MYH8: variants seen among roughly 807,000 people sequenced by gnomAD.
MYH8 encodes the protein myosin-8.
MYH8 carries 168 observed loss-of-function variants against 233.2 expected under a neutral mutation model. That is an observed-to-expected ratio of 0.72 (90% confidence interval 0.64 to 0.82). MYH8 has a LOEUF of 0.82. Ranked by LOEUF, MYH8 falls within the 40% of genes least tolerant of loss-of-function variation. MYH8 has a pLI of 0.00. For missense variants in MYH8, 1,995 were observed against 2,327.8 expected, an observed-to-expected ratio of 0.86 and a Z score of 2.94; for synonymous variants, 785 against 850.6, an observed-to-expected ratio of 0.92 and a Z score of 1.34.
chr17:10,411,887 G>C (rs2072247060), intron 14 of MYH8, among the ~76,000 whole-genome samples: 1 of 152,150 alleles, frequency 6.6e-6, no homozygotes, highest in Non-Finnish European at 1.5e-5. Context: ...TGCCCTGGAG[G>C]TAAAATAGTT....
At chr17:10,421,022 T>C (rs1403584534) in intron 2 of MYH8, among the ~76,000 whole-genome samples, 1 of 152,120 alleles carries the variant, frequency 6.6e-6, no homozygotes, top group Non-Finnish European at 1.5e-5. Context: ...GAGAAAAAAG[T>C]TTTAAGAGTA....
intron 22 of MYH8, among the ~76,000 whole-genome samples, chr17:10,402,639 A>ACG (rs1216713898): frequency 3.3e-5 from 5 of 152,106 alleles, no homozygotes; most frequent in African/African-American, 1.2e-4. Context: ...ACGCACACAC[A>ACG]CACACACACT....
chr17:10,410,542 G>T (rs545510943), intron 15 of MYH8, among the ~76,000 whole-genome samples: 1 of 152,300 alleles, frequency 6.6e-6, no homozygotes, highest in East Asian at 1.9e-4. Flanking sequence ...TCAGTGCTGT[G>T]TTAAAGTTGG....
Position 10,417,445 on chromosome 17 carries a change from T to A in MYH8, c.511+1200A>T, listed in dbSNP as rs1434572891. ...ATAAGTAAAACCGTGGAAGATTATA[T>A]CACATCTAGTGGAAGCACAGATGAG... On this transcript the variant is annotated intron_variant, in intron 5 of 39. Transcript: ENST00000403437. The surrounding 1 kb of genome is among the most constrained non-coding windows in gnomAD (Gnocchi z 4.1). Among the ~76,000 whole-genome samples the A allele has an allele frequency of 1.3e-5, 2 of 152,226 alleles. No individual in the cohort carries two copies. The highest frequency in any genetic ancestry group is 4.8e-5 in the African/African-American group (2 of 41,456).
intron 38 of MYH8, 46 bp from the exon 39 acceptor site, chr17:10,392,023 G>A (rs776590806): frequency 1.0e-5 from 15 of 1,481,280 alleles, no homozygotes; most frequent in Non-Finnish European, 1.4e-5. Flanking sequence ...GAAGAGATAA[G>A]GCTACTCTGG....
Position 10,420,150 on chromosome 17 carries a change from C to A in MYH8, c.78G>T (p.Arg26=). The part of the protein sequence containing the change: ...APYLRKSEKE[R]IEAQNKPFDA... ...CAAACGGCTTGTTTTGGGCCTCAAT[C>A]CGCTCCTTTTCTGATTTTCGAAGGT... Residue 26 remains arginine (R), a synonymous_variant, in exon 3 of 40, where the codon CGG becomes CGT. Coordinates refer to ENST00000403437, the MANE Select transcript of MYH8 (RefSeq NM_002472.3). The A allele has an allele frequency of 6.2e-7, 1 of 1,614,214 alleles. No homozygotes were observed. Among genetic ancestry groups the A allele is most frequent in the Non-Finnish European group, 8.5e-7 (1 of 1,180,040 alleles).
In MYH8 at chr17:10,419,067, G is replaced by A; in HGVS notation, c.211-37C>T. 1 of 1,613,608 alleles carries A rather than the reference G, an allele frequency of 6.2e-7. No individual in the cohort carries two copies. Among genetic ancestry groups the A allele is most frequent in the Non-Finnish European group, 8.5e-7 (1 of 1,179,716 alleles). On this transcript the variant is annotated intron_variant, in intron 3 of 39. Transcript: ENST00000403437. This position sits in a 1 kb window ranked among gnomAD's most constrained non-coding sequence, Gnocchi z 4.0. ...GCAAGAAACCAGTTCGTTTTTGTTT[G>A]TTTGTTTGAGATAGAGTTTTGCTTT...
Position 10,404,329 on chromosome 17 carries a change from C to G in MYH8, c.2688+1G>C. On this transcript the variant is annotated splice_donor_variant, in intron 22 of 39. Coordinates refer to ENST00000403437, the MANE Select transcript of MYH8 (RefSeq NM_002472.3). LOFTEE classifies it high-confidence loss of function. ...GTGCATTCAGAATATGGAGTACTCA[C>G]AGATTGAACCTGGAGTTGCAGGTCA... 5 of 1,613,876 alleles carry G rather than the reference C, an allele frequency of 3.1e-6. No individual in the cohort carries two copies. Among genetic ancestry groups the G allele is most frequent in the Non-Finnish European group, 4.2e-6 (5 of 1,179,822 alleles).
intron 9 of MYH8, among the ~76,000 whole-genome samples, chr17:10,414,698 G>A (rs1309676563): frequency 6.6e-6 from 1 of 152,084 alleles, no homozygotes; most frequent in East Asian, 1.9e-4. Flanking sequence ...TTCACATGAA[G>A]GATCCATGAC....
chr17:10,406,104 C>G lies in MYH8; in HGVS notation c.2369G>C (p.Arg790Thr). 1 of 1,614,072 alleles carries G rather than the reference C, an allele frequency of 6.2e-7. No individual in the cohort carries two copies. Among genetic ancestry groups the G allele is most frequent in the Non-Finnish European group, 8.5e-7 (1 of 1,180,000 alleles). The part of the protein sequence containing the change: ...RDEKLAQIIT[R>T]TQAVCRGFLM... ...GAATCCCCTACAGACAGCTTGTGTT[C>G]TTGTTATAATTTGGGCTAATTTTTC... Residue 790 changes from arginine (R) to threonine (T), a missense_variant, in exon 21 of 40, where the codon AGA (arginine) becomes ACA (threonine). By Grantham distance (71) the Arg-to-Thr change is moderately conservative. Coordinates refer to ENST00000403437, the MANE Select transcript of MYH8 (RefSeq NM_002472.3).
intron 9 of MYH8, 64 bp from the exon 10 acceptor site, chr17:10,414,548 C>G: frequency 8.9e-7 from 1 of 1,117,488 alleles, no homozygotes; most frequent in Non-Finnish European, 1.3e-6. Flanking sequence ...AGTAAATGAA[C>G]CTCACGTCTT....
rs2072285945 is a variant in MYH8, at chr17:10,415,851, A to G, written c.512-143T>C. 7 of 867,894 alleles carry G rather than the reference A, an allele frequency of 8.1e-6. No individual in the cohort carries two copies. 53.8% of individuals were successfully genotyped at this position (867,894 alleles called of 1,614,324 possible). ...TTTTGATTTTGTGTTTATCCTCCAA[A>G]ATAGCCAATTGCTTCTCAGTGTAAA... On this transcript the variant is annotated intron_variant, in intron 5 of 39. Coordinates refer to ENST00000403437, the MANE Select transcript of MYH8 (RefSeq NM_002472.3). This position sits in a 1 kb window ranked among gnomAD's most constrained non-coding sequence, Gnocchi z 4.1.
At chr17:10,410,704 T>C in intron 15 of MYH8, 73 bp downstream of exon 15, 1 of 1,607,796 alleles carries the variant, frequency 6.2e-7, no homozygotes, top group Non-Finnish European at 8.5e-7. Flanking sequence ...ATTACAGTAA[T>C]ACTTTCTAGA....
chr17:10,398,116 C>T (rs553803259), intron 30 of MYH8, among the ~76,000 whole-genome samples: 2 of 152,298 alleles, frequency 1.3e-5, no homozygotes, highest in African/African-American at 4.8e-5. Flanking sequence ...ATGTCTTCTA[C>T]TCAGTGCTTA....
At position 10,415,973 on chromosome 17, in the gene MYH8, A is replaced by T. The variant is rs2072286633; in HGVS notation, c.512-265T>A. ...CACATAACATAAAATTTACCATCTT[A>T]ACCATTTTTAAGTGTAGAGATCACT... On this transcript the variant is annotated intron_variant, in intron 5 of 39. Transcript: ENST00000403437. This position sits in a 1 kb window ranked among gnomAD's most constrained non-coding sequence, Gnocchi z 4.1. 6.6e-6 allele frequency among the ~76,000 whole-genome samples: 1 copy of T among 152,182 alleles called. No homozygotes were observed. The highest frequency in any genetic ancestry group is 1.5e-5 in the Non-Finnish European group (1 of 68,032).
intron 12 of MYH8, among the ~76,000 whole-genome samples, chr17:10,413,129 C>T (rs1205970728): frequency 2.0e-5 from 3 of 152,136 alleles, no homozygotes; most frequent in African/African-American, 7.2e-5. Flanking sequence ...TTTTCACCTC[C>T]CTATTAAACC....
Position 10,396,132 on chromosome 17 carries a change from C to A in MYH8, c.4653+198G>T, listed in dbSNP as rs955683870. Among the ~76,000 whole-genome samples the A allele has an allele frequency of 6.6e-6, 1 of 152,104 alleles. No individual in the cohort carries two copies. Among genetic ancestry groups the A allele is most frequent in the Admixed American group, 6.5e-5 (1 of 15,276 alleles). On this transcript the variant is annotated intron_variant, in intron 33 of 39. Transcript: ENST00000403437. The surrounding 1 kb of genome is among the most constrained non-coding windows in gnomAD (Gnocchi z 4.2). The stretch of plus-strand genomic sequence containing the variant: ...ACATCTTTGCCTTAAAGCTTTACTC[C>A]ATTTGACATCTTTTGGGTGATAAAA...
chr17:10,401,496 A>C (rs1354384131), intron 23 of MYH8, 45 bp from the exon 24 acceptor site: 1 of 1,614,160 alleles, frequency 6.2e-7, no homozygotes, highest in Admixed American at 1.7e-5. Context: ...AAAGCAATTT[A>C]GTTGGTGGCA....
At chr17:10,405,202 A>C (rs1361114010) in intron 21 of MYH8, among the ~76,000 whole-genome samples, 1 of 152,216 alleles carries the variant, frequency 6.6e-6, no homozygotes, top group Admixed American at 6.5e-5. Flanking sequence ...CTCAGTCTTA[A>C]CTGATTAATT....
Sources: allele counts gnomAD v4.1 joint callset (sites outside exome capture counted in the v4.1 genomes callset), GRCh38; gene constraint gnomAD v4.1.1; non-coding constraint Gnocchi (gnomAD v3.1); transcripts MANE v1.5; gene names NCBI Gene and HGNC (gene_info 2026-07-23, HGNC 2026-07-21).